The following ACSL1 variants were observed in gnomAD, a reference collection of about 807,000 sequenced individuals.
The protein encoded by ACSL1 is acyl-CoA synthetase long chain family member 1.
Under a neutral mutation model 98.4 loss-of-function variants are expected in ACSL1, and 41 were observed. The observed-to-expected ratio is 0.42, with a 90% CI of 0.32 to 0.54. ACSL1 has a LOEUF of 0.54. Ranked by LOEUF, ACSL1 falls within the 20% of genes least tolerant of loss-of-function variation. The pLI is 0.13. For synonymous variants in ACSL1, 316 were observed against 322.7 expected (o/e 0.98, Z 0.22); for missense variants, 734 against 883.1 (o/e 0.83, Z 2.14).
rs752680675 is a variant in ACSL1 at position 184,776,490 on chromosome 4, C to G, written c.750G>C (p.Ala250=). The change falls in exon 7 of 21, where the codon GCG becomes GCC. Residue 250 remains alanine (A), a synonymous_variant. Transcript: ENST00000281455. ...AAGGAGGCAGGGCACTCACCTCCAT[C>G]GCCTTCATGCTGGTGACTTCCACCC... ...RCGVEVTSMK[A]MEDLGRANRR... is the part of the protein sequence containing the mutation. 6.2e-7 allele frequency: 1 copy of G among 1,611,922 alleles called. No individual in the cohort carries two copies. The highest frequency in any genetic ancestry group is 8.5e-7 in the Non-Finnish European group (1 of 1,179,092).
intron 1 of ACSL1, among the ~76,000 whole-genome samples, chr4:184,810,023 C>T (rs1016665878): frequency 1.3e-5 from 2 of 152,122 alleles, no homozygotes; most frequent in African/African-American, 2.4e-5. Context: ...AAAATTCTCC[C>T]AAGTCACAAG....
intron 12 of ACSL1, among the ~76,000 whole-genome samples, chr4:184,767,813 A>G (rs1763855308): frequency 6.6e-6 from 1 of 152,198 alleles, no homozygotes; most frequent in Non-Finnish European, 1.5e-5. Flanking sequence ...ACGCAATGAT[A>G]CCCACCGCAG....
chr4:184,785,878 T>C (rs1767207530), intron 3 of ACSL1, among the ~76,000 whole-genome samples: 1 of 152,184 alleles, frequency 6.6e-6, no homozygotes. Context: ...ATAACGGCAT[T>C]TCATTTGCAC....
Position 184,783,993 on chromosome 4 carries a change from T to G in ACSL1, c.311-2A>C. The G allele has an allele frequency of 6.2e-7, 1 of 1,611,834 alleles. No individual in the cohort carries two copies. Among genetic ancestry groups the G allele is most frequent in the Non-Finnish European group, 8.5e-7 (1 of 1,178,918 alleles). On this transcript the variant is annotated splice_acceptor_variant, in intron 3 of 20. Coordinates refer to ENST00000281455, the MANE Select transcript of ACSL1 (RefSeq NM_001995.5). LOFTEE classifies it high-confidence loss of function. ...GAGAGCCTAAACAAGGGCCATTATC[T>G]AAAAAAAGAGAAAAAACAACAGATG... is the stretch of plus-strand genomic sequence containing the variant.
intron 4 of ACSL1, 123 bp downstream of exon 4, chr4:184,783,797 TGCTTACG>T (rs1766731498): frequency 1.2e-6 from 1 of 834,308 alleles, no homozygotes; most frequent in Non-Finnish European, 2.0e-6. Flanking sequence ...GGATGCCCCA[TGCTTACG>T]GCAAGGCTCT....
rs1300045594 is a variant in ACSL1, at chr4:184,825,935, C to T, written c.-52G>A. The T allele has an allele frequency of 2.7e-5, 4 of 148,666 alleles. No individual in the cohort carries two copies. Among genetic ancestry groups the T allele is most frequent in the South Asian group, 2.1e-4 (1 of 4,830 alleles). The allele number at this position is 148,666 out of a possible 1,614,324, so 9.2% of individuals were successfully genotyped here. A position where few individuals can be genotyped will look rare whatever the true frequency, so the allele number is the denominator to read the frequency against. ...ACTCACCTCCTCCGTGGACCGGCCG[C>T]TCCGCCGCCGGCTGTCACTGCAGCC... is the stretch of plus-strand genomic sequence containing the variant. On this transcript the variant is annotated 5_prime_UTR_variant, in exon 1 of 21. Coordinates refer to ENST00000281455, the MANE Select transcript of ACSL1 (RefSeq NM_001995.5). This position sits in a 1 kb window ranked among gnomAD's most constrained non-coding sequence, Gnocchi z 4.7.
chr4:184,802,387 T>C (rs1770678045), intron 2 of ACSL1, among the ~76,000 whole-genome samples: 1 of 152,032 alleles, frequency 6.6e-6, no homozygotes, highest in Admixed American at 6.6e-5. Context: ...AGGCCTTCCA[T>C]CTCTTACATC....
chr4:184,788,658 G>C lies in ACSL1; in HGVS notation c.269C>G (p.Thr90Arg). The C allele has an allele frequency of 6.2e-7, 1 of 1,614,106 alleles. No individual in the cohort carries two copies. The highest frequency in any genetic ancestry group is 1.6e-4 in the Middle Eastern group (1 of 6,062). ...CCTCTGGAAACCTTCGTATAATGTT[G>C]TGACATCATCATAGAAATACACCAA... ...EPLVYFYDDVTTLYEGFQRGI... is the reference protein window; with the variant it reads ...EPLVYFYDDVRTLYEGFQRGI... Residue 90 changes from threonine to arginine, a missense_variant, in exon 3 of 21, where the codon ACA (threonine) becomes AGA (arginine). Coordinates refer to ENST00000281455, the MANE Select transcript of ACSL1 (RefSeq NM_001995.5).
In ACSL1 at chr4:184,764,908, T is replaced by C. The variant is rs376479044; in HGVS notation, c.1377A>G (p.Gly459=). 1.2e-5 allele frequency: 20 copies of C among 1,613,820 alleles called. No individual in the cohort carries two copies. The highest frequency in any genetic ancestry group is 1.7e-5 in the Non-Finnish European group (20 of 1,179,930). The change falls in exon 15 of 21, where the codon GGA becomes GGG. Residue 459 remains glycine (G), a synonymous_variant. Coordinates refer to ENST00000281455, the MANE Select transcript of ACSL1 (RefSeq NM_001995.5). The part of the protein sequence containing the change: ...ALGCQFYEGY[G]QTECTAGCCL... Reference sequence around the variant, plus strand: ...AGCACCCGGCAGTGCACTCTGTCTGTCCGTATCCTTCATAAAACTGGGGCA... The same window carrying C: ...AGCACCCGGCAGTGCACTCTGTCTGCCCGTATCCTTCATAAAACTGGGGCA...
intron 17 of ACSL1, among the ~76,000 whole-genome samples, chr4:184,762,126 C>T (rs114651829): frequency 0.024 from 3,609 of 147,550 alleles, 145 homozygotes; most frequent in African/African-American, 0.084. Flanking sequence ...AACATGATTC[C>T]GTCTCAAAAA....
In ACSL1 at chr4:184,755,766, C is replaced by T. The variant is rs1406602408; in HGVS notation, c.*1359G>A. 6.6e-6 allele frequency: 1 copy of T among 152,616 alleles called. No individual in the cohort carries two copies. Among genetic ancestry groups the T allele is most frequent in the Admixed American group, 6.5e-5 (1 of 15,282 alleles). 9.5% of individuals were successfully genotyped at this position (152,616 alleles called of 1,614,324 possible). A position where few individuals can be genotyped will look rare whatever the true frequency, so the allele number is the denominator to read the frequency against. On this transcript the variant is annotated 3_prime_UTR_variant, in exon 21 of 21. Coordinates refer to ENST00000281455, the MANE Select transcript of ACSL1 (RefSeq NM_001995.5). The stretch of plus-strand genomic sequence containing the variant: ...AGAATACATATATGAAGTTAGGCTA[C>T]CAAGTAGTGTTATTACAATGACAAT...
chr4:184,804,765 A>C (rs922111243), intron 1 of ACSL1, among the ~76,000 whole-genome samples: 1 of 152,110 alleles, frequency 6.6e-6, no homozygotes, highest in Non-Finnish European at 1.5e-5. Context: ...TGACTCACAT[A>C]AAGAGGTAAG....
intron 12 of ACSL1, among the ~76,000 whole-genome samples, chr4:184,767,005 G>A (rs1037291069): frequency 2.0e-5 from 3 of 152,152 alleles, no homozygotes; most frequent in Non-Finnish European, 4.4e-5. Context: ...GTGTAGGCCA[G>A]GTGCGGTGGC....
intron 18 of ACSL1, 130 bp downstream of exon 18, chr4:184,760,227 A>G: frequency 9.5e-7 from 1 of 1,051,054 alleles, no homozygotes; most frequent in Non-Finnish European, 1.4e-6. Context: ...CAGGTCAATG[A>G]TATTCTAGCA....
chr4:184,817,188 T>C (rs1195077143), intron 1 of ACSL1, among the ~76,000 whole-genome samples: 2 of 152,134 alleles, frequency 1.3e-5, no homozygotes, highest in East Asian at 1.9e-4. Context: ...TCCCCTTTAA[T>C]TGACAAATTC....
intron 12 of ACSL1, 65 bp downstream of exon 12, chr4:184,768,251 T>G (rs895849050): frequency 6.5e-7 from 1 of 1,539,366 alleles, no homozygotes; most frequent in African/African-American, 1.4e-5. Flanking sequence ...CACAGCCCAA[T>G]TCAAGCCCAA....
chr4:184,766,956 A>G lies in ACSL1; in HGVS notation c.1129-200T>C, dbSNP rs1056864614. Among the ~76,000 whole-genome samples the G allele has an allele frequency of 3.3e-5, 5 of 152,144 alleles. No homozygotes were observed. The highest frequency in any genetic ancestry group is 1.2e-4 in the African/African-American group (5 of 41,444). ...ACACCTCGGTATACACCCAGGAGCA[A>G]TGGACACATACATCCCCAAATGCCC... On this transcript the variant is annotated intron_variant, in intron 12 of 20. Coordinates refer to ENST00000281455, the MANE Select transcript of ACSL1 (RefSeq NM_001995.5). The surrounding 1 kb of genome is among the most constrained non-coding windows in gnomAD (Gnocchi z 4.8).
chr4:184,777,117 CTG>C, intron 5 of ACSL1, 134 bp from the exon 6 acceptor site: 1 of 747,222 alleles, frequency 1.3e-6, no homozygotes, highest in South Asian at 1.7e-5. Flanking sequence ...AGCTACTACT[CTG>C]TGCCAGGTGC....
At chr4:184,763,316 T>C in intron 15 of ACSL1, 61 bp from the exon 16 acceptor site, 1 of 1,476,222 alleles carries the variant, frequency 6.8e-7, no homozygotes, top group Non-Finnish European at 9.3e-7. Context: ...TCAGGTCAAA[T>C]TATTTTGATA....
Sources: allele counts gnomAD v4.1 joint callset (sites outside exome capture counted in the v4.1 genomes callset), GRCh38; gene constraint gnomAD v4.1.1; non-coding constraint Gnocchi (gnomAD v3.1); transcripts MANE v1.5; gene names NCBI Gene and HGNC (gene_info 2026-07-23, HGNC 2026-07-21).